Variants in PSAT1 observed in about 807,000 individuals in gnomAD.
The protein encoded by PSAT1 is phosphoserine aminotransferase 1.
In PSAT1, 41 loss-of-function variants were observed where a neutral mutation model predicts 40.3. The ratio of observed to expected loss-of-function variants is 1.02; its 90% CI spans 0.79 to 1.32. PSAT1 has a LOEUF of 1.32. Ranked by LOEUF, PSAT1 falls within the 40% of genes most tolerant of loss-of-function variation. The pLI, the probability that PSAT1 is intolerant of heterozygous loss-of-function variation, is 0.00. For synonymous variants in PSAT1, 147 were observed against 170.5 expected (o/e 0.86, Z 1.07); for missense variants, 406 against 455.8 (o/e 0.89, Z 0.99).
intron 6 of PSAT1, among the ~76,000 whole-genome samples, chr9:78,315,416 G>A (rs1202186369): frequency 2.0e-5 from 3 of 152,230 alleles, no homozygotes; most frequent in Admixed American, 6.5e-5. Context: ...ATAGGCTGAG[G>A]CCACAGTAGA....
At chr9:78,328,581 G>A (rs1828534261) in intron 8 of PSAT1, among the ~76,000 whole-genome samples, 1 of 152,038 alleles carries the variant, frequency 6.6e-6, no homozygotes, top group Non-Finnish European at 1.5e-5. Context: ...AAAAATAAAT[G>A]TCCTCACATG....
intron 8 of PSAT1, among the ~76,000 whole-genome samples, chr9:78,328,609 TGTCCTCACATGAGAATA>T (rs372935502): frequency 0.43 from 65,145 of 151,704 alleles, 16,714 homozygotes; most frequent in African/African-American, 0.71. Context: ...CAGCAGGGAA[TGTCCTCACATGAGAATA>T]GCCCAGCCCC....
At position 78,316,367 on chromosome 9, in the gene PSAT1, TG is replaced by T. The variant is rs1285474588; in HGVS notation, c.741-1307del. Among the ~76,000 whole-genome samples the T allele has an allele frequency of 2.6e-5, 4 of 152,228 alleles. No individual in the cohort carries two copies. The East Asian group carries it at 7.7e-4, about 29-fold the overall frequency. On this transcript the variant is annotated intron_variant, in intron 6 of 8. Coordinates refer to ENST00000376588, the MANE Select transcript of PSAT1 (RefSeq NM_058179.4). ...TCCATCTGCTCTCCACTTCTGATCC[TG>T]GCTTCTCTCAGCGGGAATGTTGGCT...
intron 7 of PSAT1, among the ~76,000 whole-genome samples, chr9:78,324,670 A>C (rs1479096400): frequency 6.6e-6 from 1 of 152,144 alleles, no homozygotes; most frequent in Non-Finnish European, 1.5e-5. Flanking sequence ...AGATACTTAG[A>C]GATCTGGTTT....
chr9:78,322,482 C>G (rs748032677), intron 7 of PSAT1, among the ~76,000 whole-genome samples: 19 of 152,044 alleles, frequency 1.2e-4, no homozygotes, highest in Non-Finnish European at 2.1e-4. Flanking sequence ...CTGTCTATGT[C>G]CAGGAGTGCA....
At chr9:78,309,076 C>A (rs1051983765) in intron 6 of PSAT1, among the ~76,000 whole-genome samples, 1 of 152,230 alleles carries the variant, frequency 6.6e-6, no homozygotes, top group African/African-American at 2.4e-5. Context: ...GCCCAGCTCA[C>A]CTCTCCCTCT....
rs560116231 is a variant in PSAT1, at chr9:78,307,807, C to T, written c.571-607C>T. 1.1e-3 allele frequency among the ~76,000 whole-genome samples: 170 copies of T among 152,120 alleles called. 1 individual carries two copies. Among genetic ancestry groups the T allele is most frequent in the Non-Finnish European group, 7.6e-4 (52 of 67,986 alleles). On this transcript the variant is annotated intron_variant, in intron 5 of 8. Transcript: ENST00000376588. ...CTGTAATCCCAGCACTTTGGGAGGC[C>T]GAGGAGGGTGGATCATGAGATCAGG...
At chr9:78,311,073 A>G (rs908297695) in intron 6 of PSAT1, among the ~76,000 whole-genome samples, 2 of 152,016 alleles carry the variant, frequency 1.3e-5, no homozygotes, top group African/African-American at 2.4e-5. Flanking sequence ...CTTGGTTGAA[A>G]TGTTTCTAAA....
At chr9:78,307,815 G>A (rs1378603399) in intron 5 of PSAT1, among the ~76,000 whole-genome samples, 2 of 152,166 alleles carry the variant, frequency 1.3e-5, no homozygotes, top group South Asian at 2.1e-4. Flanking sequence ...GCCGAGGAGG[G>A]TGGATCATGA....
chr9:78,308,383 T>A, intron 5 of PSAT1, 31 bp from the exon 6 acceptor site: 1 of 1,610,048 alleles, frequency 6.2e-7, no homozygotes, highest in Non-Finnish European at 8.5e-7. Flanking sequence ...GGCCAAATCC[T>A]TCTTAAGCAG....
At chr9:78,317,399 C>T (rs1828361094) in intron 6 of PSAT1, among the ~76,000 whole-genome samples, 1 of 152,164 alleles carries the variant, frequency 6.6e-6, no homozygotes, top group Non-Finnish European at 1.5e-5. Flanking sequence ...ACTATAGGCA[C>T]ATGCTATCAC....
In PSAT1 at chr9:78,301,950, A is replaced by C; in HGVS notation, c.122-4A>C. ...GTTATTGTTGTTTATCTTTCCTTTC[A>C]CAGAAATGAGTCACAGGTCATCAGA... On this transcript the variant is annotated splice_region_variant and splice_polypyrimidine_tract_variant and intron_variant, in intron 2 of 8. Transcript: ENST00000376588. 1 of 1,600,420 alleles carries C rather than the reference A, an allele frequency of 6.2e-7. No individual in the cohort carries two copies. The highest frequency in any genetic ancestry group is 8.6e-7 in the Non-Finnish European group (1 of 1,167,674).
intron 8 of PSAT1, 42 bp downstream of exon 8, chr9:78,328,230 T>G: frequency 6.2e-7 from 1 of 1,613,166 alleles, no homozygotes; most frequent in Non-Finnish European, 8.5e-7. Flanking sequence ...AAGAATTAGC[T>G]TAGTTTTTCA....
At chr9:78,297,365 C>A in intron 1 of PSAT1, 95 bp downstream of exon 1, 1 of 1,414,032 alleles carries the variant, frequency 7.1e-7, no homozygotes, top group Non-Finnish European at 9.7e-7. Flanking sequence ...CGGATTCCCG[C>A]TCCCTGCCTT....
At chr9:78,315,817 G>T (rs1828335268) in intron 6 of PSAT1, among the ~76,000 whole-genome samples, 1 of 152,218 alleles carries the variant, frequency 6.6e-6, no homozygotes, top group South Asian at 2.1e-4. Context: ...ACAAGCTGCT[G>T]GCTGTTAGAG....
chr9:78,302,898 T>A (rs1828129139), intron 3 of PSAT1, among the ~76,000 whole-genome samples: 1 of 152,200 alleles, frequency 6.6e-6, no homozygotes, highest in Non-Finnish European at 1.5e-5. Context: ...GGGTTATCTG[T>A]ACTGCCTTTC....
intron 3 of PSAT1, 69 bp from the exon 4 acceptor site, chr9:78,304,666 A>G: frequency 7.0e-7 from 1 of 1,433,192 alleles, no homozygotes; most frequent in Non-Finnish European, 9.8e-7. Context: ...CACTTGGTAG[A>G]GCATCACTTG....
At chr9:78,301,844 T>C (rs985368323) in intron 2 of PSAT1, 110 bp from the exon 3 acceptor site, 15 of 833,532 alleles carry the variant, frequency 1.8e-5, no homozygotes, top group Middle Eastern at 2.4e-4. Context: ...GAATGCAGAA[T>C]AACTGAAATT....
chr9:78,299,514 C>CTTTTTTTTTTTTTAATCTAATTTTTTTT (rs1828076440), intron 1 of PSAT1, among the ~76,000 whole-genome samples: 3 of 118,524 alleles, frequency 2.5e-5, no homozygotes, highest in Non-Finnish European at 4.9e-5. Context: ...TAATCTAATT[C>CTTTTTTTTTTTTTAATCTAATTTTTTTT]TTTTTTTTTT....
Sources: allele counts gnomAD v4.1 joint callset (sites outside exome capture counted in the v4.1 genomes callset), GRCh38; gene constraint gnomAD v4.1.1; transcripts MANE v1.5; gene names NCBI Gene and HGNC (gene_info 2026-07-23, HGNC 2026-07-21).